GAK: variants seen among roughly 807,000 people sequenced by gnomAD.
GAK encodes cyclin-G-associated kinase.
In GAK, 79 loss-of-function variants were observed where a neutral mutation model predicts 143.9. The observed-to-expected ratio is 0.55, with a 90% CI of 0.46 to 0.66. The LOEUF (loss-of-function observed/expected upper bound fraction) is 0.66, where lower values mean the gene tolerates loss of function less well. Among genes scored for constraint, GAK ranks in the 30% least tolerant of loss-of-function variants. GAK has a pLI of 0.00. For synonymous variants in GAK, 881 were observed against 765.5 expected (o/e 1.15, Z -2.49); for missense variants, 1,693 against 1,779.7 (o/e 0.95, Z 0.88).
Position 854,776 on chromosome 4 carries a change from T to G in GAK, c.3284-2802A>C, listed in dbSNP as rs555754458. Among the ~76,000 whole-genome samples the G allele has an allele frequency of 1.4e-3, 219 of 152,334 alleles. 1 individual carries two copies. Among genetic ancestry groups the G allele is most frequent in the African/African-American group, 4.8e-3 (200 of 41,580 alleles). ...ATATTCCAGGCATGGCTGGGTGCGG[T>G]GGCTCACGCCTGTAATCCCAGCACT... On this transcript the variant is annotated intron_variant, in intron 24 of 27. Coordinates refer to ENST00000314167, the MANE Select transcript of GAK (RefSeq NM_005255.4).
intron 21 of GAK, 134 bp downstream of exon 21, chr4:866,822 C>T: frequency 2.7e-6 from 2 of 734,894 alleles, no homozygotes; most frequent in Non-Finnish European, 4.5e-6. Flanking sequence ...CCCGAGGCTG[C>T]TCCTGGGGGA....
At chr4:908,624 G>A (rs1433213413) in intron 4 of GAK, among the ~76,000 whole-genome samples, 1 of 151,998 alleles carries the variant, frequency 6.6e-6, no homozygotes, top group Non-Finnish European at 1.5e-5. Context: ...TCTAAGAAAA[G>A]TTTACTCTTT....
chr4:909,127 G>A (rs896713700), intron 4 of GAK, among the ~76,000 whole-genome samples: 1 of 152,236 alleles, frequency 6.6e-6, no homozygotes, highest in Non-Finnish European at 1.5e-5. Flanking sequence ...GATTACAGGC[G>A]TGAGCCACCG....
rs1021718521 is a variant in GAK at position 932,285 on chromosome 4, G to A, written c.-98C>T. On this transcript the variant is annotated 5_prime_UTR_variant, in exon 1 of 28. Transcript: ENST00000314167. This position sits in a 1 kb window ranked among gnomAD's most constrained non-coding sequence, Gnocchi z 4.0. ...TCAGCTCAGCAACCGCCGGCCCGGAGGTGCACCATCTTCCGCCTCGACGCC... is the reference window on the plus strand; with the variant it reads ...TCAGCTCAGCAACCGCCGGCCCGGAAGTGCACCATCTTCCGCCTCGACGCC... 2.6e-5 allele frequency: 36 copies of A among 1,395,920 alleles called. No homozygotes were observed. The African/African-American group carries it at 2.7e-4, about 11-fold the overall frequency. 86.5% of individuals were successfully genotyped at this position (1,395,920 alleles called of 1,614,324 possible).
intron 1 of GAK, among the ~76,000 whole-genome samples, chr4:916,711 G>A (rs113533536): frequency 6.4e-4 from 98 of 152,348 alleles, no homozygotes; most frequent in African/African-American, 2.3e-3. Flanking sequence ...CGCTGAGGAT[G>A]TGGAGCGACT....
At chr4:901,051 C>G (rs1719774074) in intron 5 of GAK, among the ~76,000 whole-genome samples, 1 of 152,234 alleles carries the variant, frequency 6.6e-6, no homozygotes, top group Non-Finnish European at 1.5e-5. Context: ...GCCACACTTA[C>G]CCATTTTCAA....
intron 18 of GAK, among the ~76,000 whole-genome samples, chr4:871,442 G>A (rs1712599594): frequency 1.3e-5 from 2 of 152,218 alleles, no homozygotes; most frequent in South Asian, 4.1e-4. Flanking sequence ...AAATGACGAC[G>A]TCCGCCCTGA....
intron 5 of GAK, among the ~76,000 whole-genome samples, chr4:903,160 G>A (rs1292564659): frequency 6.6e-6 from 1 of 152,136 alleles, no homozygotes; most frequent in Non-Finnish European, 1.5e-5. Context: ...CGGTGTGGTG[G>A]GCAGGGATGG....
At chr4:872,440 T>C (rs868692933) in intron 18 of GAK, 34 of 152,362 alleles carry the variant, frequency 2.2e-4, no homozygotes, top group African/African-American at 7.0e-4. Flanking sequence ...TGCACAGCGG[T>C]GGCACAGCTG....
intron 4 of GAK, among the ~76,000 whole-genome samples, chr4:907,815 C>G (rs1286341844): frequency 6.6e-6 from 1 of 152,240 alleles, no homozygotes; most frequent in Non-Finnish European, 1.5e-5. Context: ...CAGAGCCCTG[C>G]AGCTCAGCTC....
intron 5 of GAK, among the ~76,000 whole-genome samples, chr4:902,480 T>C (rs931771355): frequency 1.3e-5 from 2 of 150,472 alleles, no homozygotes; most frequent in Admixed American, 1.3e-4. Flanking sequence ...TGTGCGCCTG[T>C]GGTCCCAGCT....
At chr4:866,015 G>A (rs1457724486) in intron 22 of GAK, among the ~76,000 whole-genome samples, 2 of 152,242 alleles carry the variant, frequency 1.3e-5, no homozygotes, top group Non-Finnish European at 2.9e-5. Context: ...TCTGACCTCT[G>A]GTCCCTACAC....
chr4:897,603 G>T (rs954494360), intron 6 of GAK, among the ~76,000 whole-genome samples: 3 of 152,190 alleles, frequency 2.0e-5, no homozygotes, highest in Non-Finnish European at 4.4e-5. Context: ...GGGCATGGAT[G>T]GGGCCACCCT....
At chr4:900,802 G>T (rs1719724366) in intron 5 of GAK, among the ~76,000 whole-genome samples, 1 of 152,166 alleles carries the variant, frequency 6.6e-6, no homozygotes, top group Admixed American at 6.5e-5. Flanking sequence ...TAAAATACAA[G>T]GAAAGAAGAA....
chr4:924,013 C>A (rs1724300172), intron 1 of GAK, among the ~76,000 whole-genome samples: 1 of 151,768 alleles, frequency 6.6e-6, no homozygotes, highest in Non-Finnish European at 1.5e-5. Context: ...AGTGACACCC[C>A]ATTTCTACTA....
chr4:873,328 G>A (rs552514183), intron 18 of GAK, among the ~76,000 whole-genome samples: 1 of 152,300 alleles, frequency 6.6e-6, no homozygotes, highest in Non-Finnish European at 1.5e-5. Flanking sequence ...CGGTCTCTGG[G>A]TGTTTTCCTG....
chr4:900,922 G>A (rs1389529948), intron 5 of GAK, among the ~76,000 whole-genome samples: 1 of 152,096 alleles, frequency 6.6e-6, no homozygotes, highest in Non-Finnish European at 1.5e-5. Context: ...AAGGGCCTGG[G>A]GCTCAGGAGC....
In GAK at chr4:894,131, G is replaced by T. The variant is rs568470012; in HGVS notation, c.742-122C>A. ...GGAATGCAGGGGTGACATCGGAGCCGTGGGGAGCGCAGGGGTGACACTGGG... is the reference window on the plus strand; with the variant it reads ...GGAATGCAGGGGTGACATCGGAGCCTTGGGGAGCGCAGGGGTGACACTGGG... On this transcript the variant is annotated intron_variant, in intron 7 of 27. Transcript: ENST00000314167. 1.0e-5 allele frequency: 12 copies of T among 1,182,188 alleles called. No homozygotes were observed. In the South Asian group the frequency reaches 1.6e-4, roughly 15 times the overall value. 73.2% of individuals were successfully genotyped at this position (1,182,188 alleles called of 1,614,324 possible).
At chr4:902,605 A>AAACAAAAAAAAAC (rs1553889062) in intron 5 of GAK, among the ~76,000 whole-genome samples, 2 of 130,310 alleles carry the variant, frequency 1.5e-5, no homozygotes, top group Non-Finnish European at 3.3e-5. Context: ...TCAAAAAAAA[A>AAACAAAAAAAAAC]AAAAAAAAAC....
Sources: gnomAD v4.1 joint callset for allele counts (sites outside exome capture counted in the v4.1 genomes callset) on GRCh38, gnomAD v4.1.1 for gene constraint, Gnocchi (gnomAD v3.1) non-coding constraint, MANE v1.5 for transcripts, NCBI Gene and HGNC (gene_info 2026-07-23, HGNC 2026-07-21) for gene names.